KLHL18: variants seen among roughly 807,000 people sequenced by gnomAD.
KLHL18 encodes the protein kelch-like protein 18.
KLHL18 carries 38 observed loss-of-function variants against 58.5 expected under a neutral mutation model. The observed-to-expected ratio is 0.65, with a 90% CI of 0.50 to 0.85. The LOEUF (loss-of-function observed/expected upper bound fraction) is 0.85, where lower values mean the gene tolerates loss of function less well. KLHL18 is among the 40% of genes least tolerant of loss of function. KLHL18 has a pLI of 0.00. For synonymous variants in KLHL18, 303 were observed against 301.9 expected, an observed-to-expected ratio of 1.00 and a Z score of -0.04; for missense variants, 624 against 778.4, an observed-to-expected ratio of 0.80 and a Z score of 2.36.
chr3:47,314,770 C>T (rs1229810666), intron 1 of KLHL18, among the ~76,000 whole-genome samples: 1 of 152,212 alleles, frequency 6.6e-6, no homozygotes. Context: ...CCAGACTATC[C>T]TTTAGCTATT....
At position 47,282,959 on chromosome 3, in the gene KLHL18, G is replaced by C. The variant is rs368072265; in HGVS notation, c.-7G>C. 2.7e-5 allele frequency: 44 copies of C among 1,608,262 alleles called. No individual in the cohort carries two copies. The African/African-American group carries it at 4.4e-4, about 16-fold the overall frequency. The stretch of plus-strand genomic sequence containing the variant: ...CGAGGCCTGCGCAGTTGCAGCGGCC[G>C]GGGAAGATGGTGGAGGACGGCGCGG... On this transcript the variant is annotated 5_prime_UTR_variant, in exon 1 of 10. Coordinates refer to ENST00000232766, the MANE Select transcript of KLHL18 (RefSeq NM_025010.5).
chr3:47,329,928 T>C, intron 3 of KLHL18, 23 bp from the exon 4 acceptor site: 1 of 1,608,770 alleles, frequency 6.2e-7, no homozygotes, highest in Non-Finnish European at 8.5e-7. Context: ...CTCTAATTTT[T>C]TTTTTCTTTC....
intron 1 of KLHL18, among the ~76,000 whole-genome samples, chr3:47,319,215 T>C (rs1463141151): frequency 2.0e-5 from 3 of 152,156 alleles, no homozygotes; most frequent in Non-Finnish European, 4.4e-5. Context: ...TATTTACTCT[T>C]CTTGAGGAGC....
Position 47,330,026 on chromosome 3 carries a change from C to T in KLHL18, c.477C>T (p.Ala159=). ...TMMCAVLYDA[A]NSFIHQHFVE... ...TGTGTGCTGTGCTGTACGACGCTGC[C>T]AACAGCTTCATCCACCAGCACTTTG... is the stretch of plus-strand genomic sequence containing the variant. Residue 159 remains alanine (A), a synonymous_variant, in exon 4 of 10, where the codon GCC becomes GCT. Transcript: ENST00000232766. The T allele has an allele frequency of 1.2e-6, 2 of 1,614,098 alleles. No individual in the cohort carries two copies. The highest frequency in any genetic ancestry group is 1.3e-5 in the African/African-American group (1 of 75,004).
Position 47,334,966 on chromosome 3 carries a change from T to TA in KLHL18, c.898+148dup. 2.5e-6 allele frequency: 2 copies of TA among 791,662 alleles called. No homozygotes were observed. The highest frequency in any genetic ancestry group is 3.9e-6 in the Non-Finnish European group (2 of 507,576). The allele number at this position is 791,662 out of a possible 1,614,324, so 49.0% of individuals were successfully genotyped here. On this transcript the variant is annotated intron_variant, in intron 6 of 9. Transcript: ENST00000232766. The surrounding 1 kb of genome is among the most constrained non-coding windows in gnomAD (Gnocchi z 4.7). ...TGATTTTATACAATTGCTCTACAGT[T>TA]AGAGCATGTCACATATTCATGCCAT...
chr3:47,333,132 G>C (rs1483258721), intron 4 of KLHL18, 25 bp from the exon 5 acceptor site: 1 of 1,604,570 alleles, frequency 6.2e-7, no homozygotes, highest in Non-Finnish European at 8.5e-7. Flanking sequence ...AGGATTTGCT[G>C]CCAGAACATC....
chr3:47,342,171 C>A (rs964900230), intron 8 of KLHL18, among the ~76,000 whole-genome samples: 9 of 152,144 alleles, frequency 5.9e-5, no homozygotes, highest in African/African-American at 2.2e-4. Flanking sequence ...GGACATGGTG[C>A]AGGTACAGGA....
intron 1 of KLHL18, among the ~76,000 whole-genome samples, chr3:47,284,337 C>CTTTTTTTTTTTTT (rs767276527): frequency 1.6e-5 from 2 of 127,148 alleles, no homozygotes; most frequent in Non-Finnish European, 3.2e-5. Flanking sequence ...TTTCTTTTTT[C>CTTTTTTTTTTTTT]TTTTTTTTTT....
intron 4 of KLHL18, among the ~76,000 whole-genome samples, chr3:47,331,475 C>T (rs1276498389): frequency 7.6e-6 from 1 of 130,996 alleles, no homozygotes; most frequent in Non-Finnish European, 1.6e-5. Context: ...CTCTGTCACC[C>T]AGGCTGGAGT....
At chr3:47,298,618 A>T (rs1465930232) in intron 1 of KLHL18, among the ~76,000 whole-genome samples, 1 of 152,084 alleles carries the variant, frequency 6.6e-6, no homozygotes, top group Non-Finnish European at 1.5e-5. Flanking sequence ...GGCCACCACC[A>T]TTTGCTCTTG....
rs567829019 is a variant in KLHL18, at chr3:47,330,831, A to T, written c.600+682A>T. On this transcript the variant is annotated intron_variant, in intron 4 of 9. Coordinates refer to ENST00000232766, the MANE Select transcript of KLHL18 (RefSeq NM_025010.5). Reference sequence around the variant, plus strand: ...CTGCAACCTCCATCTCCCAGGTTCAAGCAATTCTCCCGCATCAACCTCCTT... The same window carrying T: ...CTGCAACCTCCATCTCCCAGGTTCATGCAATTCTCCCGCATCAACCTCCTT... Among the ~76,000 whole-genome samples, 4 of 152,212 alleles carry T rather than the reference A, an allele frequency of 2.6e-5. No homozygotes were observed. The South Asian group carries it at 8.3e-4, about 32-fold the overall frequency.
At chr3:47,340,493 GGTTT>G in intron 7 of KLHL18, 75 bp from the exon 8 acceptor site, 2 of 1,601,638 alleles carry the variant, frequency 1.2e-6, no homozygotes, top group Non-Finnish European at 1.7e-6. Flanking sequence ...GCAATTGATA[GGTTT>G]GTTTCTCAGT....
intron 1 of KLHL18, among the ~76,000 whole-genome samples, chr3:47,300,311 G>A (rs2079797): frequency 0.45 from 51,296 of 114,962 alleles, 9,694 homozygotes; most frequent in Middle Eastern, 0.58. Context: ...ATATATATAT[G>A]TGTGTATATA....
At chr3:47,322,731 G>C in intron 3 of KLHL18, 23 bp downstream of exon 3, 1 of 1,534,786 alleles carries the variant, frequency 6.5e-7, no homozygotes, top group Admixed American at 2.0e-5. Context: ...GGTGGGCCTG[G>C]TGGAGAACAT....
At chr3:47,304,672 A>G (rs984839209) in intron 1 of KLHL18, among the ~76,000 whole-genome samples, 1 of 152,134 alleles carries the variant, frequency 6.6e-6, no homozygotes, top group African/African-American at 2.4e-5. Flanking sequence ...GAACTCGCTT[A>G]TTATTTCTAG....
At chr3:47,314,204 G>A (rs1163660189) in intron 1 of KLHL18, among the ~76,000 whole-genome samples, 1 of 151,934 alleles carries the variant, frequency 6.6e-6, no homozygotes, top group Admixed American at 6.6e-5. Context: ...TTGCTGTGTT[G>A]CCCAGGCTGG....
intron 6 of KLHL18, among the ~76,000 whole-genome samples, chr3:47,335,101 C>G (rs1298252838): frequency 6.6e-6 from 1 of 152,192 alleles, no homozygotes; most frequent in Non-Finnish European, 1.5e-5. Context: ...TATGTTCATA[C>G]AATTGTTTTT....
intron 6 of KLHL18, 101 bp from the exon 7 acceptor site, chr3:47,336,434 A>G: frequency 2.0e-6 from 2 of 1,009,306 alleles, no homozygotes; most frequent in South Asian, 1.6e-5. Context: ...GGGAAGAGCT[A>G]ATAGAATTGA....
At chr3:47,300,240 CCTGA>C (rs1387969338) in intron 1 of KLHL18, among the ~76,000 whole-genome samples, 1 of 147,436 alleles carries the variant, frequency 6.8e-6, no homozygotes, top group African/African-American at 2.5e-5. Context: ...TCGGGAAAAC[CCTGA>C]CTAATATGGG....
Sources: gnomAD v4.1 joint callset for allele counts (sites outside exome capture counted in the v4.1 genomes callset) on GRCh38, gnomAD v4.1.1 for gene constraint, Gnocchi (gnomAD v3.1) non-coding constraint, MANE v1.5 for transcripts, NCBI Gene and HGNC (gene_info 2026-07-23, HGNC 2026-07-21) for gene names.